The following SMAD3 variants were observed in gnomAD, a reference collection of about 807,000 sequenced individuals.
SMAD3 encodes the protein MAD homolog 3.
In SMAD3, 12 loss-of-function variants were observed where a neutral mutation model predicts 51.8. The ratio of observed to expected loss-of-function variants is 0.23; its 90% CI spans 0.15 to 0.38. The LOEUF is 0.38. SMAD3 is among the 10% of genes least tolerant of loss of function. The pLI is 1.00. For missense variants in SMAD3, 294 were observed against 565.6 expected (o/e 0.52, Z 4.87); for synonymous variants, 238 against 227.7 (o/e 1.05, Z -0.41).
At chr15:67,170,629 C>A (rs1162020309) in intron 5 of SMAD3, 25 bp downstream of exon 5, 1 of 1,605,162 alleles carries the variant, frequency 6.2e-7, no homozygotes, top group East Asian at 2.2e-5. Context: ...GTGCACACAA[C>A]TGGAACCCCC....
chr15:67,084,079 T>C (rs937633502), intron 1 of SMAD3, among the ~76,000 whole-genome samples: 5 of 127,748 alleles, frequency 3.9e-5, no homozygotes, highest in South Asian at 2.7e-4. Context: ...TCTTTTTTTT[T>C]TTTTTTTTTT....
intron 1 of SMAD3, among the ~76,000 whole-genome samples, chr15:67,092,431 TG>T (rs1233919155): frequency 6.6e-6 from 1 of 152,212 alleles, no homozygotes; most frequent in Non-Finnish European, 1.5e-5. Flanking sequence ...AGTGTGGCCC[TG>T]GGCCAGCAGC....
At chr15:67,164,316 GAAAAAAA>G (rs59880604) in intron 1 of SMAD3, among the ~76,000 whole-genome samples, 5 of 83,644 alleles carry the variant, frequency 6.0e-5, no homozygotes, top group South Asian at 4.5e-4. Context: ...CTCCGTCTCA[GAAAAAAA>G]AAAAAAAAAA....
At chr15:67,119,413 T>C (rs369806362) in intron 1 of SMAD3, among the ~76,000 whole-genome samples, 229 of 143,108 alleles carry the variant, frequency 1.6e-3, no homozygotes, top group African/African-American at 5.9e-3. Context: ...CACAGAGAGC[T>C]GGGTTATTCT....
At chr15:67,077,939 A>C (rs1960205607) in intron 1 of SMAD3, 1 of 152,192 alleles carries the variant, frequency 6.6e-6, no homozygotes, top group Non-Finnish European at 1.5e-5. Flanking sequence ...ATTTTAAAGC[A>C]GGGGAGTGGC....
intron 1 of SMAD3, among the ~76,000 whole-genome samples, chr15:67,136,328 C>CTTTTTTTTTTTTTT (rs11355676): frequency 7.3e-6 from 1 of 137,120 alleles, no homozygotes; most frequent in African/African-American, 2.7e-5. Flanking sequence ...GTCAGTCATT[C>CTTTTTTTTTTTTTT]TTTTTTTTTT....
chr15:67,079,852 A>G (rs1029138801), intron 1 of SMAD3, among the ~76,000 whole-genome samples: 11 of 152,338 alleles, frequency 7.2e-5, no homozygotes, highest in African/African-American at 2.6e-4. Context: ...TGACACTGCT[A>G]TCATTATTCT....
At chr15:67,177,246 T>C (rs1277198622) in intron 5 of SMAD3, among the ~76,000 whole-genome samples, 1 of 152,124 alleles carries the variant, frequency 6.6e-6, no homozygotes, top group East Asian at 1.9e-4. Context: ...TGTTCCCTTT[T>C]TGTCTTGTCT....
At chr15:67,142,211 A>G (rs1228187191) in intron 1 of SMAD3, among the ~76,000 whole-genome samples, 1 of 93,776 alleles carries the variant, frequency 1.1e-5, no homozygotes, top group Non-Finnish European at 2.1e-5. Context: ...CCCCCCCACC[A>G]TTGTTTCTAG....
At chr15:67,088,429 G>A (rs1405456082) in intron 1 of SMAD3, among the ~76,000 whole-genome samples, 2 of 152,232 alleles carry the variant, frequency 1.3e-5, no homozygotes, top group South Asian at 2.1e-4. Context: ...GTGAAAACAC[G>A]TGGAAGCGGG....
At chr15:67,143,742 T>TTTTTTG (rs1329386888) in intron 1 of SMAD3, among the ~76,000 whole-genome samples, 2 of 152,090 alleles carry the variant, frequency 1.3e-5, no homozygotes, top group Non-Finnish European at 2.9e-5. Context: ...CCTAGGGAGT[T>TTTTTTG]TTTTTGTTTT....
intron 1 of SMAD3, among the ~76,000 whole-genome samples, chr15:67,159,073 G>T (rs1028757142): frequency 2.6e-5 from 4 of 151,648 alleles, no homozygotes; most frequent in African/African-American, 4.8e-5. Flanking sequence ...TGGGGGAAAA[G>T]AATTTTTTTT....
rs747162099 is a variant in SMAD3 at position 67,157,674 on chromosome 15, G to A, written c.207-7221G>A. Among the ~76,000 whole-genome samples, 31 of 152,332 alleles carry A rather than the reference G, an allele frequency of 2.0e-4. No individual in the cohort carries two copies. The Middle Eastern group carries it at 0.01, about 50-fold the overall frequency. Reference sequence around the variant, plus strand: ...GTGGCTGATCGGTGGAAGTGCAGACGTGAGTAGCACTTGGCATGAGGTGGG... The same window carrying A: ...GTGGCTGATCGGTGGAAGTGCAGACATGAGTAGCACTTGGCATGAGGTGGG... On this transcript the variant is annotated intron_variant, in intron 1 of 8. Transcript: ENST00000327367.
chr15:67,109,857 G>C (rs989527058), intron 1 of SMAD3, among the ~76,000 whole-genome samples: 13 of 152,174 alleles, frequency 8.5e-5, no homozygotes, highest in Non-Finnish European at 1.8e-4. Context: ...CAGCCTGGTG[G>C]AGCGTGCCAG....
chr15:67,179,528 G>A (rs556909010), intron 5 of SMAD3, among the ~76,000 whole-genome samples: 106 of 152,238 alleles, frequency 7.0e-4, no homozygotes, highest in African/African-American at 2.6e-3. Context: ...CTTCCTGGGT[G>A]TGTGTGGAGT....
At chr15:67,168,980 G>C (rs1384823762) in intron 4 of SMAD3, among the ~76,000 whole-genome samples, 2 of 152,132 alleles carry the variant, frequency 1.3e-5, no homozygotes, top group African/African-American at 4.8e-5. Flanking sequence ...TTGTGAGAAG[G>C]CCCCTTGGAC....
rs543972601 is a variant in SMAD3, at chr15:67,194,943, A to G, written c.*4407A>G. Reference sequence around the variant, plus strand: ...TCTGATGTGTGTGGAGGGATGGGGAATAGAACATTGACTGTGTTGATTACC... The same window carrying G: ...TCTGATGTGTGTGGAGGGATGGGGAGTAGAACATTGACTGTGTTGATTACC... On this transcript the variant is annotated 3_prime_UTR_variant, in exon 9 of 9. Coordinates refer to ENST00000327367, the MANE Select transcript of SMAD3 (RefSeq NM_005902.4). The G allele has an allele frequency of 1.3e-5, 3 of 233,678 alleles. No individual in the cohort carries two copies. Among genetic ancestry groups the G allele is most frequent in the South Asian group, 1.8e-4 (1 of 5,520 alleles). 14.5% of individuals were successfully genotyped at this position (233,678 alleles called of 1,614,324 possible).
In SMAD3 at chr15:67,161,195, C is replaced by A. The variant is rs559563257; in HGVS notation, c.207-3700C>A. On this transcript the variant is annotated intron_variant, in intron 1 of 8. Coordinates refer to ENST00000327367, the MANE Select transcript of SMAD3 (RefSeq NM_005902.4). ...TTTGTTGAAGACTGTCCTTGCTCCA[C>A]TAAATTGTCTTTGGACCTTTGTTGA... is the stretch of plus-strand genomic sequence containing the variant. Among the ~76,000 whole-genome samples, 34 of 152,324 alleles carry A rather than the reference C, an allele frequency of 2.2e-4. No individual in the cohort carries two copies. In the South Asian group the frequency reaches 6.8e-3, roughly 31 times the overall value.
At chr15:67,107,965 T>TCTCCC (rs1960916348) in intron 1 of SMAD3, among the ~76,000 whole-genome samples, 3 of 124,640 alleles carry the variant, frequency 2.4e-5, no homozygotes, top group Non-Finnish European at 3.3e-5. Context: ...TGCTCTCCTC[T>TCTCCC]CCCCCCCACC....
Sources: gnomAD v4.1 joint callset for allele counts (sites outside exome capture counted in the v4.1 genomes callset) on GRCh38, gnomAD v4.1.1 for gene constraint, MANE v1.5 for transcripts, NCBI Gene and HGNC (gene_info 2026-07-23, HGNC 2026-07-21) for gene names.